Variants in UACA observed in about 807,000 individuals in gnomAD.
UACA encodes the protein nuclear membrane binding protein.
In UACA, 112 loss-of-function variants were observed where a neutral mutation model predicts 160.5. That is an observed-to-expected ratio of 0.70 (90% CI 0.60 to 0.82). UACA has a LOEUF of 0.82. Among genes scored for constraint, UACA ranks in the 40% least tolerant of loss-of-function variants. UACA has a pLI of 0.00. For synonymous variants in UACA, 557 were observed against 568.4 expected (o/e 0.98, Z 0.29); for missense variants, 1,574 against 1,614.6 (o/e 0.97, Z 0.43).
chr15:70,698,881 A>C (rs1168826351), intron 2 of UACA, among the ~76,000 whole-genome samples: 1 of 152,142 alleles, frequency 6.6e-6, no homozygotes, highest in African/African-American at 2.4e-5. Context: ...TGAAGATTTG[A>C]GACGGGGAAG....
intron 16 of UACA, among the ~76,000 whole-genome samples, chr15:70,665,583 C>A (rs936223679): frequency 1.3e-5 from 2 of 151,834 alleles, no homozygotes; most frequent in Non-Finnish European, 2.9e-5. Context: ...TCCTCCCCCA[C>A]AAAATTTTTT....
In UACA at chr15:70,666,758, T is replaced by G; in HGVS notation, c.3926A>C (p.Glu1309Ala). Residue 1309 changes from glutamate (E) to alanine (A), a missense_variant, in exon 16 of 19, where the codon GAA becomes GCA. Glu to Ala is a moderately radical substitution (Grantham distance 107). Transcript: ENST00000322954. ...TITELQRRIQ[E>A]SAKQIEAKDN... Reference sequence around the variant, plus strand: ...TTTTGCTTCTATTTGTTTAGCAGATTCTTGTATTCTTCTTTGTAACTCTGT... The same window carrying G: ...TTTTGCTTCTATTTGTTTAGCAGATGCTTGTATTCTTCTTTGTAACTCTGT... The G allele has an allele frequency of 6.2e-7, 1 of 1,608,342 alleles. No homozygotes were observed. Among genetic ancestry groups the G allele is most frequent in the Non-Finnish European group, 8.5e-7 (1 of 1,178,702 alleles).
At chr15:70,673,988 A>G (rs1771808193) in intron 13 of UACA, among the ~76,000 whole-genome samples, 1 of 152,138 alleles carries the variant, frequency 6.6e-6, no homozygotes, top group Non-Finnish European at 1.5e-5. Flanking sequence ...CAGCCACCCA[A>G]GTAGCTGGGA....
At position 70,667,508 on chromosome 15, in the gene UACA, C is replaced by T; in HGVS notation, c.3176G>A (p.Arg1059Lys). The change falls in exon 16 of 19, where the codon AGA (arginine) becomes AAA (lysine). Residue 1059 changes from arginine (R) to lysine (K), a missense_variant. Transcript: ENST00000322954. ...CTCGTCTGTTTTTCTGCTTAATGCT[C>T]TTTCCATTTCATGAGACTTCTCAAT... ...VLIEKSHEME[R>K]ALSRKTDELN... 1 of 1,612,540 alleles carries T rather than the reference C, an allele frequency of 6.2e-7. No individual in the cohort carries two copies. The highest frequency in any genetic ancestry group is 8.5e-7 in the Non-Finnish European group (1 of 1,179,930).
At chr15:70,707,195 T>G (rs1595902103) in intron 1 of UACA, among the ~76,000 whole-genome samples, 3 of 152,186 alleles carry the variant, frequency 2.0e-5, no homozygotes, top group Admixed American at 2.0e-4. Flanking sequence ...AAGAACAATC[T>G]CCTCAACAGT....
At chr15:70,768,289 C>T (rs2031064238), upstream of UACA, 1 of 152,194 alleles carries the variant, frequency 6.6e-6, no homozygotes, top group Non-Finnish European at 1.5e-5. Context: ...CTGCTTTCTA[C>T]CTCTCTCTGT....
At chr15:70,687,454 G>T in intron 7 of UACA, 86 bp downstream of exon 7, 1 of 1,299,420 alleles carries the variant, frequency 7.7e-7, no homozygotes, top group Non-Finnish European at 1.1e-6. Context: ...GAAAGGCCAA[G>T]TCAGAGAACA....
At chr15:70,706,007 T>C (rs1898512706) in intron 1 of UACA, among the ~76,000 whole-genome samples, 1 of 152,172 alleles carries the variant, frequency 6.6e-6, no homozygotes, top group African/African-American at 2.4e-5. Flanking sequence ...GCCTGGTATT[T>C]GCTTCAAAAA....
chr15:70,711,389 C>T (rs1018171461), intron 1 of UACA, among the ~76,000 whole-genome samples: 10 of 151,542 alleles, frequency 6.6e-5, no homozygotes, highest in Non-Finnish European at 8.8e-5. Flanking sequence ...AGGCCGGGCA[C>T]GGTGGCTCAC....
In UACA at chr15:70,659,109, G is replaced by A. The variant is rs116578849; in HGVS notation, c.4179+1042C>T. 2.1e-3 allele frequency among the ~76,000 whole-genome samples: 325 copies of A among 152,122 alleles called. 1 individual carries two copies. The highest frequency in any genetic ancestry group is 7.5e-3 in the African/African-American group (313 of 41,524). ...TCCCCACTTGAACTTCCTATTCACTGTCCCTCAATAATCTTCTCTAATAAT... is the reference window on the plus strand; with the variant it reads ...TCCCCACTTGAACTTCCTATTCACTATCCCTCAATAATCTTCTCTAATAAT... On this transcript the variant is annotated intron_variant, in intron 18 of 18. Transcript: ENST00000322954.
chr15:70,738,187 A>T (rs62016949), intron 1 of UACA, among the ~76,000 whole-genome samples: 5,790 of 152,072 alleles, frequency 0.038, 156 homozygotes, highest in South Asian at 0.13. Flanking sequence ...TCATCAGTAA[A>T]AATCAGAATT....
chr15:70,775,639 A>G, the UACA span, among the ~76,000 whole-genome samples: 38 of 152,306 alleles, frequency 2.5e-4, 1 homozygote, highest in Non-Finnish European at 4.4e-5. Flanking sequence ...TTTTTTTCCA[A>G]AGTATTCAAA....
At chr15:70,773,776 T>C in the UACA span, among the ~76,000 whole-genome samples, 2 of 152,188 alleles carry the variant, frequency 1.3e-5, no homozygotes, top group East Asian at 1.9e-4. Flanking sequence ...TAAGAAGATA[T>C]GAAATAGCCA....
intron 14 of UACA, 43 bp downstream of exon 14, chr15:70,671,922 G>A: frequency 2.0e-6 from 3 of 1,509,014 alleles, no homozygotes; most frequent in Non-Finnish European, 2.7e-6. Flanking sequence ...TTCTTTACTT[G>A]AACTAGGTGA....
At chr15:70,716,697 A>G (rs1898830658) in intron 1 of UACA, among the ~76,000 whole-genome samples, 1 of 152,220 alleles carries the variant, frequency 6.6e-6, no homozygotes, top group Non-Finnish European at 1.5e-5. Flanking sequence ...CCCTCCTAAA[A>G]GAAGGAAAAT....
chr15:70,683,651 T>C (rs1024119108), intron 8 of UACA, among the ~76,000 whole-genome samples: 2 of 152,010 alleles, frequency 1.3e-5, no homozygotes, highest in Non-Finnish European at 2.9e-5. Context: ...AATCATACTA[T>C]AGAAAAACTA....
At chr15:70,743,327 T>C (rs1354117273) in intron 1 of UACA, among the ~76,000 whole-genome samples, 1 of 152,236 alleles carries the variant, frequency 6.6e-6, no homozygotes, top group Non-Finnish European at 1.5e-5. Context: ...GTAACTTAAT[T>C]ACATCTGCAA....
Position 70,686,818 on chromosome 15 carries a change from G to T in UACA, c.602+722C>A, listed in dbSNP as rs148297662. ...CCCAGAAATTTTAGTTTAATTTATT[G>T]TAATACTTGAATTAAATGGAAGGGG... On this transcript the variant is annotated intron_variant, in intron 7 of 18. Transcript: ENST00000322954. Among the ~76,000 whole-genome samples, 146 of 152,168 alleles carry T rather than the reference G, an allele frequency of 9.6e-4. 1 individual carries two copies. The highest frequency in any genetic ancestry group is 3.4e-3 in the African/African-American group (143 of 41,506).
intron 1 of UACA, among the ~76,000 whole-genome samples, chr15:70,741,418 CA>C (rs1167399572): frequency 6.6e-6 from 1 of 152,166 alleles, no homozygotes; most frequent in East Asian, 1.9e-4. Context: ...TAGTACCAAA[CA>C]AGGAACTGGG....
Sources: gnomAD v4.1 joint callset for allele counts (sites outside exome capture counted in the v4.1 genomes callset) on GRCh38, gnomAD v4.1.1 for gene constraint, MANE v1.5 for transcripts, NCBI Gene and HGNC (gene_info 2026-07-23, HGNC 2026-07-21) for gene names.